The following WWOX variants were observed in gnomAD, a reference collection of about 807,000 sequenced individuals.
The protein encoded by WWOX is WW domain containing oxidoreductase, also known as WW domain-containing oxidoreductase.
Under a neutral mutation model 46.2 loss-of-function variants are expected in WWOX, and 69 were observed. That is an observed-to-expected ratio of 1.49 (90% CI 1.23 to 1.82). The LOEUF (loss-of-function observed/expected upper bound fraction) is 1.82, where lower values mean the gene tolerates loss of function less well. Among genes scored for constraint, WWOX ranks in the 40% most tolerant of loss-of-function variants. WWOX has a pLI of 0.00. For missense variants in WWOX, 919 were observed against 542.6 expected, an observed-to-expected ratio of 1.69 and a Z score of -6.89; for synonymous variants, 359 against 202.6, an observed-to-expected ratio of 1.77 and a Z score of -6.56.
chr16:78,557,205 C>A (rs9930942), intron 8 of WWOX, among the ~76,000 whole-genome samples: 21,315 of 152,042 alleles, frequency 0.14, 1,557 homozygotes, highest in South Asian at 0.2. Context: ...CTTGCTAACA[C>A]AGGGAAAGAC....
At chr16:78,408,985 T>G (rs1267882034) in intron 6 of WWOX, among the ~76,000 whole-genome samples, 1 of 152,306 alleles carries the variant, frequency 6.6e-6, no homozygotes, top group East Asian at 1.9e-4. Context: ...GGAGATGGGC[T>G]GTAGCTCAAG....
In WWOX at chr16:78,506,728, T is replaced by TTTTTTTTTG. The variant is rs1330915138; in HGVS notation, c.1056+73976_1056+73977insTTTTTTTTG. 1.8e-4 allele frequency among the ~76,000 whole-genome samples: 17 copies of TTTTTTTTTG among 93,622 alleles called. 2 individuals are homozygous for TTTTTTTTTG. The highest frequency in any genetic ancestry group is 2.7e-4 in the African/African-American group (7 of 25,520). 61.4% of individuals were successfully genotyped at this position (93,622 alleles called of 152,430 possible). ...TTTTTTTTTTTTTTTTTTTTTTTTT[T>TTTTTTTTTG]GTACAGAGTCTTGCTCTGTTGTCCA... On this transcript the variant is annotated intron_variant, in intron 8 of 8. Transcript: ENST00000566780.
intron 8 of WWOX, among the ~76,000 whole-genome samples, chr16:78,644,811 A>G (rs2046802188): frequency 6.6e-6 from 1 of 152,186 alleles, no homozygotes; most frequent in South Asian, 2.1e-4. Context: ...GACTATTATG[A>G]GTCAGGCTTA....
intron 8 of WWOX, among the ~76,000 whole-genome samples, chr16:78,663,685 TAAATAA>T: frequency 6.6e-6 from 1 of 152,198 alleles, no homozygotes; most frequent in East Asian, 1.9e-4. Flanking sequence ...TGACATCATT[TAAATAA>T]AAATAAAGTA....
At chr16:78,820,223 G>C (rs1206769929) in intron 8 of WWOX, among the ~76,000 whole-genome samples, 1 of 152,132 alleles carries the variant, frequency 6.6e-6, no homozygotes, top group African/African-American at 2.4e-5. Flanking sequence ...AGCAAGAACA[G>C]TCATGGACAC....
intron 8 of WWOX, among the ~76,000 whole-genome samples, chr16:79,003,073 C>T (rs533054558): frequency 2.6e-5 from 4 of 152,162 alleles, no homozygotes; most frequent in Non-Finnish European, 5.9e-5. Flanking sequence ...ACAATTCAGA[C>T]CCCACTCTTC....
chr16:78,541,079 A>G (rs948057378), intron 8 of WWOX, among the ~76,000 whole-genome samples: 16 of 152,206 alleles, frequency 1.1e-4, no homozygotes, highest in Non-Finnish European at 1.6e-4. Flanking sequence ...TTTTGAGAAT[A>G]TTCGGAGAAC....
chr16:78,773,765 A>G (rs1379704315), intron 8 of WWOX, among the ~76,000 whole-genome samples: 2 of 152,198 alleles, frequency 1.3e-5, no homozygotes, highest in East Asian at 1.9e-4. Flanking sequence ...ACAAACAAAG[A>G]GAAGCAAAAA....
intron 8 of WWOX, among the ~76,000 whole-genome samples, chr16:78,848,242 G>A (rs984358331): frequency 6.6e-6 from 1 of 152,180 alleles, no homozygotes; most frequent in Non-Finnish European, 1.5e-5. Context: ...GAGTAACTTT[G>A]TACACCGTGG....
chr16:79,011,775 G>T (rs1055649554), intron 8 of WWOX, among the ~76,000 whole-genome samples: 3 of 151,986 alleles, frequency 2.0e-5, no homozygotes, highest in African/African-American at 7.3e-5. Flanking sequence ...TTACAGGCAT[G>T]AGCCACCATG....
chr16:78,600,629 C>G (rs1404476926), intron 8 of WWOX, among the ~76,000 whole-genome samples: 1 of 152,124 alleles, frequency 6.6e-6, no homozygotes, highest in Non-Finnish European at 1.5e-5. Flanking sequence ...TACCCTGTGG[C>G]ATGACTGAGA....
intron 8 of WWOX, among the ~76,000 whole-genome samples, chr16:78,504,754 C>T (rs111841678): frequency 0.028 from 4,201 of 152,072 alleles, 191 homozygotes; most frequent in African/African-American, 0.096. Context: ...AACCACGCCA[C>T]GGACGCATGA....
chr16:78,555,694 G>A (rs2044277393), intron 8 of WWOX, among the ~76,000 whole-genome samples: 1 of 151,708 alleles, frequency 6.6e-6, no homozygotes, highest in Admixed American at 6.6e-5. Flanking sequence ...TCACCCTTTG[G>A]ACTGGAAGTA....
At chr16:79,056,584 A>G (rs1053747229) in intron 8 of WWOX, among the ~76,000 whole-genome samples, 1 of 152,192 alleles carries the variant, frequency 6.6e-6, no homozygotes, top group Non-Finnish European at 1.5e-5. Context: ...TGTGCATTGT[A>G]GGATGTTTAG....
chr16:79,038,959 C>T (rs1597313124), intron 8 of WWOX, among the ~76,000 whole-genome samples: 1 of 152,058 alleles, frequency 6.6e-6, no homozygotes, highest in African/African-American at 2.4e-5. Context: ...TATTGAGTTG[C>T]CCCTAGGATC....
chr16:78,290,876 G>A (rs1476575448), intron 5 of WWOX, among the ~76,000 whole-genome samples: 1 of 151,896 alleles, frequency 6.6e-6, no homozygotes, highest in African/African-American at 2.4e-5. Context: ...GTTATGAGAA[G>A]GCTTATATTA....
intron 8 of WWOX, among the ~76,000 whole-genome samples, chr16:79,010,685 A>C (rs908669218): frequency 1.3e-5 from 2 of 152,160 alleles, no homozygotes; most frequent in African/African-American, 4.8e-5. Context: ...TGGGTGGTCA[A>C]GGAAGGCTTC....
At chr16:79,199,186 C>A (rs1360994207) in intron 8 of WWOX, among the ~76,000 whole-genome samples, 2 of 152,194 alleles carry the variant, frequency 1.3e-5, no homozygotes, top group Non-Finnish European at 2.9e-5. Flanking sequence ...CCTCAGCCTC[C>A]CAAGTAAGTG....
At chr16:79,155,895 GT>G (rs879570183) in intron 8 of WWOX, among the ~76,000 whole-genome samples, 19 of 142,714 alleles carry the variant, frequency 1.3e-4, no homozygotes, top group Non-Finnish European at 2.0e-4. Context: ...AATTCCAGTT[GT>G]TTTTTTTTTA....
Sources: gnomAD v4.1 joint callset for allele counts (sites outside exome capture counted in the v4.1 genomes callset) on GRCh38, gnomAD v4.1.1 for gene constraint, MANE v1.5 for transcripts, NCBI Gene and HGNC (gene_info 2026-07-23, HGNC 2026-07-21) for gene names.